Variants in LYPLAL1 observed in about 807,000 individuals in gnomAD.
LYPLAL1 encodes the protein lysophospholipase like 1, also known as lysophospholipase-like protein 1.
In LYPLAL1, 23 loss-of-function variants were observed where a neutral mutation model predicts 19.7. That is an observed-to-expected ratio of 1.17 (90% CI 0.84 to 1.65). The LOEUF is 1.65. LYPLAL1 is among the 40% of genes most tolerant of loss of function. LYPLAL1 has a pLI of 0.00. For missense variants in LYPLAL1, 355 were observed against 279.4 expected, an observed-to-expected ratio of 1.27 and a Z score of -1.93; for synonymous variants, 119 against 96.3, an observed-to-expected ratio of 1.24 and a Z score of -1.38.
chr1:219,409,634 A>C, the LYPLAL1 span: 1 of 152,080 alleles, frequency 6.6e-6, no homozygotes, highest in Non-Finnish European at 1.5e-5. Context: ...TGCTTGTGTG[A>C]TTTTCTTTAG....
the LYPLAL1 span, among the ~76,000 whole-genome samples, chr1:219,256,890 G>A: frequency 6.6e-6 from 1 of 151,746 alleles, no homozygotes; most frequent in African/African-American, 2.4e-5. Flanking sequence ...TGTGGTTATT[G>A]CTTTTCACCT....
At position 219,176,501 on chromosome 1, in the gene LYPLAL1, G is replaced by A. The variant is rs148278808; in HGVS notation, c.91+2520G>A. ...CTCAATGTAATGGACATTTTCAGTC[G>A]TCCTCTTACGTGAACTGTCATCTGC... On this transcript the variant is annotated intron_variant, in intron 1 of 4. Coordinates refer to ENST00000366928, the MANE Select transcript of LYPLAL1 (RefSeq NM_138794.5). Among the ~76,000 whole-genome samples, 35 of 152,254 alleles carry A rather than the reference G, an allele frequency of 2.3e-4. 1 individual carries two copies. The East Asian group carries it at 2.7e-3, about 12-fold the overall frequency.
intron 2 of LYPLAL1, among the ~76,000 whole-genome samples, chr1:219,186,007 G>C (rs1656692455): frequency 6.6e-6 from 1 of 151,878 alleles, no homozygotes; most frequent in South Asian, 2.1e-4. Flanking sequence ...ATGTGGGATG[G>C]AAGGTATTTT....
chr1:219,396,433 A>C, the LYPLAL1 span, among the ~76,000 whole-genome samples: 4 of 152,186 alleles, frequency 2.6e-5, no homozygotes, highest in African/African-American at 9.7e-5. Flanking sequence ...TTTTGGTTCC[A>C]TATGAATTTT....
chr1:219,277,431 G>A, the LYPLAL1 span, among the ~76,000 whole-genome samples: 3 of 152,094 alleles, frequency 2.0e-5, no homozygotes, highest in Non-Finnish European at 4.4e-5. Flanking sequence ...AGAGAGAAAG[G>A]GAGAGAGACA....
chr1:219,388,480 C>A, the LYPLAL1 span, among the ~76,000 whole-genome samples: 2 of 152,212 alleles, frequency 1.3e-5, no homozygotes, highest in South Asian at 2.1e-4. Flanking sequence ...GTCTAATATT[C>A]CTTATCCAAT....
chr1:219,238,343 G>A, the LYPLAL1 span, among the ~76,000 whole-genome samples: 2 of 121,442 alleles, frequency 1.6e-5, no homozygotes, highest in Non-Finnish European at 3.3e-5. Flanking sequence ...AGTAGAGACG[G>A]GGTTTCACTG....
chr1:219,186,179 A>G (rs1656708015), intron 2 of LYPLAL1, among the ~76,000 whole-genome samples: 2 of 151,778 alleles, frequency 1.3e-5, no homozygotes, highest in Non-Finnish European at 1.5e-5. Context: ...GTTGATATCT[A>G]GTTTCATTTC....
the LYPLAL1 span, among the ~76,000 whole-genome samples, chr1:219,238,122 CTTTTTTTT>C: frequency 9.6e-6 from 1 of 103,894 alleles, no homozygotes; most frequent in Non-Finnish European, 1.8e-5. Flanking sequence ...TGGATCTAAA[CTTTTTTTT>C]TTTTTTTTTT....
At chr1:219,412,336 G>C in the LYPLAL1 span, among the ~76,000 whole-genome samples, 1 of 152,096 alleles carries the variant, frequency 6.6e-6, no homozygotes, top group African/African-American at 2.4e-5. Context: ...CTTATTTGGT[G>C]GTTTCTCTTC....
chr1:219,382,626 T>C, the LYPLAL1 span, among the ~76,000 whole-genome samples: 1 of 152,116 alleles, frequency 6.6e-6, no homozygotes, highest in South Asian at 2.1e-4. Flanking sequence ...CCTCCCAAAG[T>C]GCTGGAATTA....
chr1:219,313,997 G>GACAC, the LYPLAL1 span, among the ~76,000 whole-genome samples: 1 of 152,078 alleles, frequency 6.6e-6, no homozygotes, highest in Non-Finnish European at 1.5e-5. Context: ...CCCTCAAGTG[G>GACAC]GCCCCAGTGT....
chr1:219,221,616 T>C, the LYPLAL1 span, among the ~76,000 whole-genome samples: 7 of 152,294 alleles, frequency 4.6e-5, no homozygotes, highest in South Asian at 4.1e-4. Flanking sequence ...TATCTGCTGG[T>C]AGCTGTTTCA....
intron 3 of LYPLAL1, among the ~76,000 whole-genome samples, chr1:219,197,638 A>T (rs1339253762): frequency 6.6e-6 from 1 of 152,178 alleles, no homozygotes; most frequent in Non-Finnish European, 1.5e-5. Context: ...GGTATCTAAT[A>T]AACTAAAGCA....
At chr1:219,325,232 G>A in the LYPLAL1 span, among the ~76,000 whole-genome samples, 4 of 152,028 alleles carry the variant, frequency 2.6e-5, no homozygotes, top group Non-Finnish European at 5.9e-5. Context: ...CTTTCCAAAG[G>A]CTTGACTCAT....
chr1:219,233,418 G>T, the LYPLAL1 span, among the ~76,000 whole-genome samples: 1 of 152,140 alleles, frequency 6.6e-6, no homozygotes, highest in Non-Finnish European at 1.5e-5. Flanking sequence ...GAGATTGTTT[G>T]CACAATAGTA....
chr1:219,351,980 C>A, the LYPLAL1 span, among the ~76,000 whole-genome samples: 1 of 152,172 alleles, frequency 6.6e-6, no homozygotes, highest in African/African-American at 2.4e-5. Flanking sequence ...AATTCTAATT[C>A]TAGGCACAGC....
intron 2 of LYPLAL1, among the ~76,000 whole-genome samples, chr1:219,190,590 A>G: frequency 6.8e-6 from 1 of 147,048 alleles, no homozygotes; most frequent in East Asian, 2.0e-4. Context: ...TTTTAAAAAG[A>G]CATTATATCA....
chr1:219,364,630 G>A, the LYPLAL1 span, among the ~76,000 whole-genome samples: 1 of 152,258 alleles, frequency 6.6e-6, no homozygotes, highest in South Asian at 2.1e-4. Flanking sequence ...GGCAGGCACA[G>A]AGGAGAGATT....
Sources: gnomAD v4.1 joint callset for allele counts (sites outside exome capture counted in the v4.1 genomes callset) on GRCh38, gnomAD v4.1.1 for gene constraint, MANE v1.5 for transcripts, NCBI Gene and HGNC (gene_info 2026-07-23, HGNC 2026-07-21) for gene names.